ADAMTS17: variants seen among roughly 807,000 people sequenced by gnomAD.
The protein encoded by ADAMTS17 is A disintegrin and metalloproteinase with thrombospondin motifs 17.
A neutral mutation model predicts 141.5 loss-of-function variants in ADAMTS17; 113 were observed. The ratio of observed to expected loss-of-function variants is 0.80; its 90% confidence interval spans 0.69 to 0.93. ADAMTS17 has a LOEUF of 0.93. ADAMTS17 is among the 40% of genes least tolerant of loss of function. ADAMTS17 has a pLI of 0.00. For synonymous variants in ADAMTS17, 768 were observed against 630.6 expected (o/e 1.22, Z -3.27); for missense variants, 1,659 against 1,517.9 (o/e 1.09, Z -1.54).
At chr15:100,255,206 G>T (rs916698023) in intron 6 of ADAMTS17, among the ~76,000 whole-genome samples, 1 of 152,120 alleles carries the variant, frequency 6.6e-6, no homozygotes, top group African/African-American at 2.4e-5. Context: ...TCATTCCTAT[G>T]CTTCTTTATA....
At chr15:100,128,579 C>T (rs1350177669) in intron 12 of ADAMTS17, 4 of 152,168 alleles carry the variant, frequency 2.6e-5, no homozygotes, top group African/African-American at 9.7e-5. Flanking sequence ...AGAGAACAGC[C>T]ACGACTATCA....
intron 2 of ADAMTS17, among the ~76,000 whole-genome samples, chr15:100,334,180 A>T (rs1489169118): frequency 1.3e-5 from 2 of 152,186 alleles, no homozygotes; most frequent in Non-Finnish European, 2.9e-5. Flanking sequence ...ACGAGCTCTC[A>T]CTGCAGTGTG....
intron 15 of ADAMTS17, among the ~76,000 whole-genome samples, chr15:100,072,136 T>C (rs2034019420): frequency 6.7e-6 from 1 of 150,026 alleles, no homozygotes; most frequent in African/African-American, 2.5e-5. Context: ...AGCCAAATCA[T>C]GAGTGAACTC....
chr15:100,292,677 G>A (rs2044686659), intron 3 of ADAMTS17, among the ~76,000 whole-genome samples: 2 of 152,236 alleles, frequency 1.3e-5, no homozygotes, highest in African/African-American at 4.8e-5. Flanking sequence ...TTCTACAGAT[G>A]TGCAAACTGA....
At chr15:100,151,257 T>C (rs2039149811) in intron 10 of ADAMTS17, among the ~76,000 whole-genome samples, 1 of 152,166 alleles carries the variant, frequency 6.6e-6, no homozygotes, top group South Asian at 2.1e-4. Context: ...ACAGTGTGGA[T>C]AAACGTCCTT....
At chr15:100,001,976 C>CAAAAAAAAAAA (rs71151930) in intron 18 of ADAMTS17, among the ~76,000 whole-genome samples, 1 of 33,608 alleles carries the variant, frequency 3.0e-5, no homozygotes, top group Non-Finnish European at 4.9e-5. Context: ...GACTCAGTCT[C>CAAAAAAAAAAA]AAAAAAAAGG....
intron 20 of ADAMTS17, among the ~76,000 whole-genome samples, chr15:99,977,652 G>A (rs2060393264): frequency 1.3e-5 from 2 of 151,422 alleles, no homozygotes; most frequent in African/African-American, 4.9e-5. Context: ...CTGACCTCAG[G>A]CAATCTGCCC....
chr15:100,250,940 C>T (rs572673974), intron 7 of ADAMTS17, among the ~76,000 whole-genome samples: 242 of 152,254 alleles, frequency 1.6e-3, no homozygotes, highest in African/African-American at 5.6e-3. Context: ...GATCAATATA[C>T]GACTGCCATA....
At chr15:100,264,257 G>A (rs763463007) in intron 4 of ADAMTS17, among the ~76,000 whole-genome samples, 5 of 152,198 alleles carry the variant, frequency 3.3e-5, no homozygotes, top group Non-Finnish European at 7.3e-5. Context: ...CCTGGGGGAG[G>A]AGGGGGGAGG....
intron 8 of ADAMTS17, among the ~76,000 whole-genome samples, chr15:100,155,687 G>A (rs1408631380): frequency 6.6e-6 from 1 of 152,220 alleles, no homozygotes; most frequent in African/African-American, 2.4e-5. Context: ...TGGTTTTGGT[G>A]TTTCTGTTCC....
At chr15:100,317,335 A>G (rs1455693986) in intron 3 of ADAMTS17, among the ~76,000 whole-genome samples, 1 of 152,176 alleles carries the variant, frequency 6.6e-6, no homozygotes, top group Non-Finnish European at 1.5e-5. Flanking sequence ...AAGGGGCCCC[A>G]TGGGCTTCTC....
intron 18 of ADAMTS17, among the ~76,000 whole-genome samples, chr15:100,046,845 T>C (rs189934310): frequency 3.9e-5 from 6 of 152,326 alleles, no homozygotes; most frequent in African/African-American, 1.4e-4. Context: ...GTAGAGCATG[T>C]GTGTTTGAAC....
chr15:100,120,737 C>G (rs1448254509), intron 12 of ADAMTS17, among the ~76,000 whole-genome samples: 1 of 152,148 alleles, frequency 6.6e-6, no homozygotes, highest in Admixed American at 6.5e-5. Flanking sequence ...AACCAAACAC[C>G]CTGGGGAAGG....
chr15:100,102,719 G>A (rs769181721), intron 14 of ADAMTS17, among the ~76,000 whole-genome samples: 1 of 152,160 alleles, frequency 6.6e-6, no homozygotes, highest in Non-Finnish European at 1.5e-5. Context: ...AGAAGGCTGG[G>A]CACCGTCCTC....
intron 12 of ADAMTS17, among the ~76,000 whole-genome samples, chr15:100,125,689 G>C (rs1015155664): frequency 1.3e-5 from 2 of 152,250 alleles, no homozygotes; most frequent in Admixed American, 1.3e-4. Context: ...GTCTTCTGAC[G>C]TAACTCCCAC....
intron 7 of ADAMTS17, among the ~76,000 whole-genome samples, chr15:100,221,304 ATT>A (rs1215876280): frequency 6.6e-6 from 1 of 151,838 alleles, no homozygotes; most frequent in Non-Finnish European, 1.5e-5. Flanking sequence ...CAGTGACAGA[ATT>A]TGTCTCACTG....
At chr15:100,151,316 CT>C (rs1452774725) in intron 10 of ADAMTS17, among the ~76,000 whole-genome samples, 4 of 152,158 alleles carry the variant, frequency 2.6e-5, no homozygotes, top group African/African-American at 4.8e-5. Context: ...AGGAGCTGCC[CT>C]TTTTAGCAAC....
intron 8 of ADAMTS17, among the ~76,000 whole-genome samples, chr15:100,158,564 G>A (rs980182888): frequency 2.0e-5 from 3 of 152,012 alleles, no homozygotes; most frequent in Admixed American, 2.0e-4. Flanking sequence ...ACTGAAACTC[G>A]ATGCTTACTG....
At chr15:100,258,723 G>C (rs545330366) in intron 6 of ADAMTS17, among the ~76,000 whole-genome samples, 1 of 152,026 alleles carries the variant, frequency 6.6e-6, no homozygotes, top group Non-Finnish European at 1.5e-5. Context: ...CAGCAAAACC[G>C]TATCATTTTG....
Sources: gnomAD v4.1 joint callset for allele counts (sites outside exome capture counted in the v4.1 genomes callset) on GRCh38, gnomAD v4.1.1 for gene constraint, MANE v1.5 for transcripts, NCBI Gene and HGNC (gene_info 2026-07-23, HGNC 2026-07-21) for gene names.